TASP1: variants seen among roughly 807,000 people sequenced by gnomAD.
TASP1 encodes the protein taspase 1, also known as threonine aspartase 1.
Under a neutral mutation model 56.6 loss-of-function variants are expected in TASP1, and 16 were observed. That is an observed-to-expected ratio of 0.28 (90% CI 0.19 to 0.43). The LOEUF is 0.43. Ranked by LOEUF, TASP1 falls within the 20% of genes least tolerant of loss-of-function variation. The pLI, the probability that TASP1 is intolerant of heterozygous loss-of-function variation, is 1.00. For synonymous variants in TASP1, 179 were observed against 184.2 expected (o/e 0.97, Z 0.23); for missense variants, 393 against 511.6 (o/e 0.77, Z 2.24).
At chr20:13,150,564 A>T in the TASP1 span, among the ~76,000 whole-genome samples, 1 of 152,214 alleles carries the variant, frequency 6.6e-6, no homozygotes, top group Non-Finnish European at 1.5e-5. Context: ...TGATAAAACC[A>T]AGGAACACTA....
At chr20:13,279,717 A>C in the TASP1 span, 3 of 1,613,990 alleles carry the variant, frequency 1.9e-6, no homozygotes, top group Admixed American at 1.7e-5. Flanking sequence ...GGTCAGTCCC[A>C]TCCCCCGACT....
chr20:13,221,222 C>CCTT, the TASP1 span, among the ~76,000 whole-genome samples: 1 of 42,324 alleles, frequency 2.4e-5, no homozygotes, highest in African/African-American at 1.5e-4. Flanking sequence ...CCCTCCTACT[C>CCTT]CTCCTCCTCC....
At chr20:13,421,108 CTTTTTT>C (rs34805037) in intron 12 of TASP1, among the ~76,000 whole-genome samples, 1 of 123,440 alleles carries the variant, frequency 8.1e-6, no homozygotes, top group Non-Finnish European at 1.7e-5. Context: ...CGTTTTCCTT[CTTTTTT>C]TTTTTTTTTT....
At chr20:13,480,300 C>A (rs1435152600) in intron 11 of TASP1, among the ~76,000 whole-genome samples, 5 of 152,182 alleles carry the variant, frequency 3.3e-5, no homozygotes, top group Non-Finnish European at 5.9e-5. Flanking sequence ...GTGGAAACAA[C>A]TGTCTTGACT....
the TASP1 span, among the ~76,000 whole-genome samples, chr20:13,252,879 A>T: frequency 6.6e-6 from 1 of 151,922 alleles, no homozygotes; most frequent in Non-Finnish European, 1.5e-5. Context: ...CACTTCTCTC[A>T]TTTACTGACA....
chr20:13,313,127 G>T, the TASP1 span, among the ~76,000 whole-genome samples: 1 of 152,260 alleles, frequency 6.6e-6, no homozygotes, highest in East Asian at 1.9e-4. Context: ...CCGCATCCAG[G>T]TCTGCCCACA....
chr20:13,220,012 C>G, the TASP1 span, among the ~76,000 whole-genome samples: 27 of 152,018 alleles, frequency 1.8e-4, no homozygotes, highest in Non-Finnish European at 3.7e-4. Context: ...TTTCATTCAC[C>G]AAGGGAGAAT....
the TASP1 span, among the ~76,000 whole-genome samples, chr20:13,356,726 T>G: frequency 1.3e-5 from 2 of 152,132 alleles, no homozygotes; most frequent in Non-Finnish European, 2.9e-5. Flanking sequence ...ATCCCCACAT[T>G]GAAAGGCCTG....
the TASP1 span, among the ~76,000 whole-genome samples, chr20:13,352,937 T>C: frequency 1.3e-5 from 2 of 152,274 alleles, no homozygotes; most frequent in South Asian, 2.1e-4. Context: ...TTTAGTGTGA[T>C]AAAAGGTGCC....
At chr20:13,201,685 G>C in the TASP1 span, among the ~76,000 whole-genome samples, 1 of 151,632 alleles carries the variant, frequency 6.6e-6, no homozygotes, top group Non-Finnish European at 1.5e-5. Flanking sequence ...GTAATGGCCT[G>C]TGAAAATTTA....
At chr20:13,557,503 A>G (rs895556486) in intron 8 of TASP1, among the ~76,000 whole-genome samples, 21 of 151,100 alleles carry the variant, frequency 1.4e-4, no homozygotes, top group Non-Finnish European at 1.5e-5. Context: ...TATGGTTTAC[A>G]TGGGCATATA....
the TASP1 span, among the ~76,000 whole-genome samples, chr20:13,151,632 C>A: frequency 6.6e-6 from 1 of 152,176 alleles, no homozygotes; most frequent in Non-Finnish European, 1.5e-5. Context: ...AACTAAATCT[C>A]CATTTCTCTG....
chr20:13,358,974 C>T, the TASP1 span, among the ~76,000 whole-genome samples: 2 of 150,714 alleles, frequency 1.3e-5, no homozygotes, highest in African/African-American at 4.9e-5. Context: ...CCCTTCTCTG[C>T]TTTCCTGGGG....
chr20:13,221,841 C>A, the TASP1 span: 2 of 1,443,308 alleles, frequency 1.4e-6, no homozygotes, highest in East Asian at 3.0e-5. Context: ...CTGCACATCA[C>A]CGTGCTGCGC....
chr20:13,364,919 T>C, the TASP1 span, among the ~76,000 whole-genome samples: 1 of 151,782 alleles, frequency 6.6e-6, no homozygotes, highest in African/African-American at 2.4e-5. Context: ...TCCATTGAAC[T>C]ATTTTTTTTT....
the TASP1 span, among the ~76,000 whole-genome samples, chr20:13,132,674 C>T: frequency 6.6e-6 from 1 of 152,288 alleles, no homozygotes; most frequent in African/African-American, 2.4e-5. Flanking sequence ...ATCCCTCTTA[C>T]CTCAGCAAAT....
chr20:13,435,243 C>T (rs1476287089), intron 11 of TASP1, 89 bp from the exon 12 acceptor site: 2 of 974,558 alleles, frequency 2.1e-6, no homozygotes. Context: ...AAAAATGTGG[C>T]ATGAATAAGA....
At chr20:13,281,601 T>C in the TASP1 span, among the ~76,000 whole-genome samples, 10 of 152,286 alleles carry the variant, frequency 6.6e-5, no homozygotes, top group Admixed American at 5.9e-4. Flanking sequence ...GCAGTCTGGG[T>C]CCAGAATCTG....
In TASP1 at chr20:13,483,101, G is replaced by C. The variant is rs550219642; in HGVS notation, c.985+126C>G. 2.2e-5 allele frequency: 13 copies of C among 588,060 alleles called. No individual in the cohort carries two copies. In the African/African-American group the frequency reaches 2.5e-4, roughly 11 times the overall value. 36.4% of individuals were successfully genotyped at this position (588,060 alleles called of 1,614,324 possible). A position where few individuals can be genotyped will look rare whatever the true frequency, so the allele number is the denominator to read the frequency against. On this transcript the variant is annotated intron_variant, in intron 11 of 13. Coordinates refer to ENST00000337743, the MANE Select transcript of TASP1 (RefSeq NM_017714.3). The stretch of plus-strand genomic sequence containing the variant: ...CTTTTCACAATCAGTATTAACTGTG[G>C]TTCTTTTCCTCTGCTAGACCCTAGA...
Sources: gnomAD v4.1 joint callset for allele counts (sites outside exome capture counted in the v4.1 genomes callset) on GRCh38, gnomAD v4.1.1 for gene constraint, MANE v1.5 for transcripts, NCBI Gene and HGNC (gene_info 2026-07-23, HGNC 2026-07-21) for gene names.